Variants in MAST4 observed in about 807,000 individuals in gnomAD.
The protein encoded by MAST4 is microtubule associated serine/threonine kinase family member 4, also known as microtubule-associated serine/threonine-protein kinase 4.
In MAST4, 89 loss-of-function variants were observed where a neutral mutation model predicts 162.7. The observed-to-expected ratio is 0.55, with a 90% confidence interval of 0.46 to 0.65. The LOEUF is 0.65. MAST4 is among the 30% of genes least tolerant of loss of function. The pLI is 0.00. For synonymous variants in MAST4, 1,479 were observed against 1,361.1 expected (o/e 1.09, Z -1.91); for missense variants, 3,153 against 3,374.0 (o/e 0.93, Z 1.62).
At chr5:66,686,927 A>T (rs1232288876) in intron 1 of MAST4, among the ~76,000 whole-genome samples, 2 of 152,214 alleles carry the variant, frequency 1.3e-5, no homozygotes, top group African/African-American at 4.8e-5. Context: ...TTAGCTAATT[A>T]AAAAAATTTA....
intron 3 of MAST4, among the ~76,000 whole-genome samples, chr5:66,797,753 C>T (rs924408929): frequency 2.5e-4 from 38 of 152,090 alleles, no homozygotes; most frequent in African/African-American, 7.5e-4. Context: ...GAATGTTAAA[C>T]GTTGAGTAGG....
intron 3 of MAST4, among the ~76,000 whole-genome samples, chr5:66,892,467 C>T (rs1762421616): frequency 6.6e-6 from 1 of 152,136 alleles, no homozygotes; most frequent in South Asian, 2.1e-4. Flanking sequence ...ATAAAGGAAA[C>T]CCATTTTGTT....
intron 4 of MAST4, among the ~76,000 whole-genome samples, chr5:67,026,193 A>G (rs537273878): frequency 1.3e-5 from 2 of 152,344 alleles, no homozygotes; most frequent in South Asian, 2.1e-4. Flanking sequence ...AATTTATCCT[A>G]ACCTTTTCAG....
chr5:66,855,390 C>T (rs1759605969), intron 3 of MAST4, among the ~76,000 whole-genome samples: 1 of 152,178 alleles, frequency 6.6e-6, no homozygotes, highest in African/African-American at 2.4e-5. Context: ...TTATAAATTA[C>T]CCAGTCTTAG....
intron 4 of MAST4, among the ~76,000 whole-genome samples, chr5:66,981,658 A>G (rs1244695057): frequency 6.6e-6 from 1 of 152,232 alleles, no homozygotes; most frequent in Non-Finnish European, 1.5e-5. Context: ...CATGAATTTC[A>G]TAGCCCTATA....
At chr5:66,899,641 G>T (rs1762886988) in intron 3 of MAST4, among the ~76,000 whole-genome samples, 1 of 152,056 alleles carries the variant, frequency 6.6e-6, no homozygotes, top group African/African-American at 2.4e-5. Context: ...TGCTTCTTCA[G>T]ATTTTCCGTA....
chr5:67,156,121 C>T (rs1772489777), intron 26 of MAST4, among the ~76,000 whole-genome samples: 1 of 151,258 alleles, frequency 6.6e-6, no homozygotes, highest in African/African-American at 2.4e-5. Context: ...GCTCTTGATG[C>T]CTGCCACACT....
intron 1 of MAST4, among the ~76,000 whole-genome samples, chr5:66,709,656 C>G (rs1750369886): frequency 6.6e-6 from 1 of 152,034 alleles, no homozygotes; most frequent in Non-Finnish European, 1.5e-5. Context: ...CATTCTGGCT[C>G]TTTGTCTCTG....
At chr5:66,836,786 C>A (rs867997595) in intron 3 of MAST4, among the ~76,000 whole-genome samples, 1 of 151,970 alleles carries the variant, frequency 6.6e-6, no homozygotes, top group East Asian at 1.9e-4. Flanking sequence ...GACACCAGAA[C>A]CTACTTGAGG....
intron 1 of MAST4, among the ~76,000 whole-genome samples, chr5:66,757,759 C>T (rs1053289851): frequency 1.3e-5 from 2 of 152,102 alleles, no homozygotes; most frequent in Non-Finnish European, 2.9e-5. Flanking sequence ...TGGGTGTTTA[C>T]CGTTCCTGTA....
At chr5:66,873,328 G>A (rs1761075057) in intron 3 of MAST4, among the ~76,000 whole-genome samples, 1 of 152,212 alleles carries the variant, frequency 6.6e-6, no homozygotes. Flanking sequence ...AAATGTGCAT[G>A]TATGTAGCTA....
intron 4 of MAST4, among the ~76,000 whole-genome samples, chr5:66,980,047 CT>C (rs1325702841): frequency 6.6e-6 from 1 of 152,170 alleles, no homozygotes; most frequent in African/African-American, 2.4e-5. Flanking sequence ...GAATATATGC[CT>C]TCCTAACTTC....
chr5:66,902,199 G>A (rs543515718), intron 4 of MAST4, among the ~76,000 whole-genome samples: 2 of 152,218 alleles, frequency 1.3e-5, no homozygotes, highest in Admixed American at 6.5e-5. Flanking sequence ...ACTGCACATA[G>A]CGTGATGTAT....
intron 4 of MAST4, among the ~76,000 whole-genome samples, chr5:67,022,171 A>G (rs562804081): frequency 2.6e-5 from 4 of 152,332 alleles, no homozygotes; most frequent in African/African-American, 9.6e-5. Context: ...ATTGAATGAA[A>G]GCACCGCACA....
chr5:67,042,489 A>G (rs1332812816), intron 4 of MAST4, among the ~76,000 whole-genome samples: 4 of 152,160 alleles, frequency 2.6e-5, no homozygotes, highest in Non-Finnish European at 5.9e-5. Context: ...GACATCTGTC[A>G]AGTTAATTAA....
chr5:67,042,003 A>G (rs1166965439), intron 4 of MAST4, among the ~76,000 whole-genome samples: 1 of 152,196 alleles, frequency 6.6e-6, no homozygotes. Context: ...TCAACAGTAG[A>G]TCTACTAATG....
intron 4 of MAST4, among the ~76,000 whole-genome samples, chr5:66,944,825 G>A (rs1161970589): frequency 3.3e-5 from 5 of 152,064 alleles, no homozygotes; most frequent in Non-Finnish European, 5.9e-5. Flanking sequence ...GAGTAGAAGC[G>A]CTTCCATGTT....
At chr5:66,692,746 T>C (rs1749131193) in intron 1 of MAST4, among the ~76,000 whole-genome samples, 1 of 152,182 alleles carries the variant, frequency 6.6e-6, no homozygotes, top group African/African-American at 2.4e-5. Flanking sequence ...GGGCCTGCTT[T>C]CTAGCTTATT....
chr5:66,850,789 A>G (rs1260874116), intron 3 of MAST4, among the ~76,000 whole-genome samples: 1 of 152,102 alleles, frequency 6.6e-6, no homozygotes, highest in African/African-American at 2.4e-5. Flanking sequence ...TAACCTGTAT[A>G]CTTTTTTTAA....
Sources: allele counts gnomAD v4.1 joint callset (sites outside exome capture counted in the v4.1 genomes callset), GRCh38; gene constraint gnomAD v4.1.1; transcripts MANE v1.5; gene names NCBI Gene and HGNC (gene_info 2026-07-23, HGNC 2026-07-21).